EXOC6: variants seen among roughly 807,000 people sequenced by gnomAD.
The protein encoded by EXOC6 is exocyst complex component 6, also known as SEC15-like 1.
A neutral mutation model predicts 112.5 loss-of-function variants in EXOC6; 60 were observed. That is an observed-to-expected ratio of 0.53 (90% CI 0.43 to 0.66). The LOEUF is 0.66. EXOC6 is among the 30% of genes least tolerant of loss of function. The pLI is 0.00. For synonymous variants in EXOC6, 295 were observed against 308.0 expected (o/e 0.96, Z 0.44); for missense variants, 855 against 957.1 (o/e 0.89, Z 1.41).
rs538277634 is a variant in EXOC6 at position 92,998,519 on chromosome 10, A to G, written c.2095+904A>G. ...GACTGATTTTTTTCAACAGATATCA[A>G]ATAGTTTGTGCCCACTCTGTATAAG... On this transcript the variant is annotated intron_variant, in intron 19 of 21. Coordinates refer to ENST00000260762, the MANE Select transcript of EXOC6 (RefSeq NM_019053.6). Among the ~76,000 whole-genome samples the G allele has an allele frequency of 4.6e-5, 7 of 152,256 alleles. No homozygotes were observed. In the South Asian group the frequency reaches 8.3e-4, roughly 18 times the overall value.
chr10:92,921,916 T>C (rs954289283), intron 8 of EXOC6, among the ~76,000 whole-genome samples: 1 of 152,096 alleles, frequency 6.6e-6, no homozygotes, highest in Admixed American at 6.5e-5. Context: ...CTGGCTGGTA[T>C]ATATAACCAA....
chr10:92,933,465 A>G (rs915374615), intron 9 of EXOC6, among the ~76,000 whole-genome samples: 11 of 152,186 alleles, frequency 7.2e-5, no homozygotes, highest in African/African-American at 2.4e-4. Flanking sequence ...CATGTAGACT[A>G]TATTTTCCAA....
At chr10:93,040,361 G>C (rs1466630365) in intron 20 of EXOC6, among the ~76,000 whole-genome samples, 1 of 152,062 alleles carries the variant, frequency 6.6e-6, no homozygotes, top group Non-Finnish European at 1.5e-5. Flanking sequence ...CCATTCTCCT[G>C]CCTCAGGCTC....
At chr10:93,053,099 G>T (rs186649046) in intron 20 of EXOC6, among the ~76,000 whole-genome samples, 4 of 152,264 alleles carry the variant, frequency 2.6e-5, no homozygotes, top group Admixed American at 2.6e-4. Flanking sequence ...GAGGCAGTCC[G>T]CAAGGCAGTG....
chr10:93,026,403 G>A (rs1048650153), intron 20 of EXOC6, among the ~76,000 whole-genome samples: 5 of 152,184 alleles, frequency 3.3e-5, no homozygotes, highest in African/African-American at 1.2e-4. Flanking sequence ...GGTATTGTCT[G>A]TCTCTTCTTT....
intron 5 of EXOC6, among the ~76,000 whole-genome samples, chr10:92,908,431 C>T (rs765225027): frequency 2.6e-5 from 4 of 152,000 alleles, no homozygotes; most frequent in Non-Finnish European, 5.9e-5. Context: ...CTTTTTTGTA[C>T]ATTAGTTAAT....
At chr10:92,845,416 G>A (rs1847010430), upstream of EXOC6, among the ~76,000 whole-genome samples, 1 of 151,938 alleles carries the variant, frequency 6.6e-6, no homozygotes, top group South Asian at 2.1e-4. Context: ...AGCTGGATGT[G>A]GTGACATGTA....
intron 12 of EXOC6, among the ~76,000 whole-genome samples, chr10:92,938,883 G>A (rs188952093): frequency 6.6e-6 from 1 of 152,266 alleles, no homozygotes; most frequent in Admixed American, 6.5e-5. Context: ...AGGAGTTGAG[G>A]AAGGCTATAC....
At chr10:92,911,750 CA>C (rs1850775284) in intron 6 of EXOC6, among the ~76,000 whole-genome samples, 1 of 152,080 alleles carries the variant, frequency 6.6e-6, no homozygotes, top group East Asian at 1.9e-4. Context: ...TTTTTCTTTA[CA>C]ATTTCTTCTT....
intron 20 of EXOC6, among the ~76,000 whole-genome samples, chr10:93,029,456 G>T (rs1845175528): frequency 6.6e-6 from 1 of 152,052 alleles, no homozygotes; most frequent in Non-Finnish European, 1.5e-5. Context: ...ATAACCTGCC[G>T]AGATTTGAGG....
exon 1 of EXOC6, among the ~76,000 whole-genome samples, chr10:92,826,858 G>A (rs1054572860): frequency 5.3e-5 from 8 of 152,166 alleles, no homozygotes; most frequent in Admixed American, 2.0e-4. Context: ...AGAGGGGAGA[G>A]CAGGAGCATA....
intron 14 of EXOC6, among the ~76,000 whole-genome samples, chr10:92,951,894 A>T (rs1853439992): frequency 6.6e-6 from 1 of 152,228 alleles, no homozygotes; most frequent in Non-Finnish European, 1.5e-5. Context: ...ACTCTGAGCC[A>T]GAAAGCTGGC....
intron 6 of EXOC6, among the ~76,000 whole-genome samples, chr10:92,913,894 T>A (rs557446183): frequency 1.3e-5 from 2 of 152,358 alleles, no homozygotes; most frequent in East Asian, 1.9e-4. Flanking sequence ...GGAGAATTTT[T>A]TAAATTCTAA....
chr10:92,846,245 A>G (rs1459240396), upstream of EXOC6, among the ~76,000 whole-genome samples: 2 of 152,226 alleles, frequency 1.3e-5, no homozygotes, highest in Non-Finnish European at 2.9e-5. Context: ...CCAGCTTTGG[A>G]ATAAAAGGTA....
At chr10:92,885,968 T>A (rs1404186047) in intron 1 of EXOC6, among the ~76,000 whole-genome samples, 4 of 152,152 alleles carry the variant, frequency 2.6e-5, no homozygotes, top group Admixed American at 1.3e-4. Flanking sequence ...CTCTTGCTGG[T>A]TCTAGCATAT....
intron 18 of EXOC6, among the ~76,000 whole-genome samples, chr10:92,986,580 A>G (rs1843017000): frequency 6.6e-6 from 1 of 151,520 alleles, no homozygotes; most frequent in Admixed American, 6.6e-5. Flanking sequence ...CCTTCAGTCT[A>G]GGCGATACTG....
At chr10:92,864,967 C>G (rs560816112) in intron 1 of EXOC6, among the ~76,000 whole-genome samples, 183 of 152,114 alleles carry the variant, frequency 1.2e-3, no homozygotes, top group African/African-American at 4.3e-3. Context: ...TTTGGAGAAC[C>G]CTGACTAATT....
At chr10:93,054,246 TCTGGTAC>T (rs1846442865) in intron 20 of EXOC6, among the ~76,000 whole-genome samples, 1 of 152,186 alleles carries the variant, frequency 6.6e-6, no homozygotes, top group Non-Finnish European at 1.5e-5. Flanking sequence ...ATGCTGTATC[TCTGGTAC>T]CTAGCACAGT....
chr10:92,933,302 A>C (rs1406568378), intron 9 of EXOC6, among the ~76,000 whole-genome samples: 2 of 152,206 alleles, frequency 1.3e-5, no homozygotes, highest in Non-Finnish European at 2.9e-5. Context: ...AATACAAAAC[A>C]TGCTTAATAG....
Sources: gnomAD v4.1 joint callset for allele counts (sites outside exome capture counted in the v4.1 genomes callset) on GRCh38, gnomAD v4.1.1 for gene constraint, MANE v1.5 for transcripts, NCBI Gene and HGNC (gene_info 2026-07-23, HGNC 2026-07-21) for gene names.